Variants in CPD observed in about 807,000 individuals in gnomAD.
CPD encodes metallocarboxypeptidase D.
In CPD, 69 loss-of-function variants were observed where a neutral mutation model predicts 138.3. The ratio of observed to expected loss-of-function variants is 0.50; its 90% CI spans 0.41 to 0.61. The LOEUF is 0.61. CPD is among the 20% of genes least tolerant of loss of function. The probability of loss-of-function intolerance (pLI) is 0.00; values close to 1 mark genes in which losing one functional copy is unlikely to be tolerated. For synonymous variants in CPD, 651 were observed against 642.1 expected (o/e 1.01, Z -0.21); for missense variants, 1,432 against 1,733.3 (o/e 0.83, Z 3.09).
Position 30,465,300 on chromosome 17 carries a change from GTTTTTC to G in CPD, c.*489_*494del. 1 of 157,696 alleles carries G rather than the reference GTTTTTC, an allele frequency of 6.3e-6. No homozygotes were observed. Among genetic ancestry groups the G allele is most frequent in the East Asian group, 1.9e-4 (1 of 5,322 alleles). The allele number at this position is 157,696 out of a possible 1,614,324, so 9.8% of individuals were successfully genotyped here. On this transcript the variant is annotated 3_prime_UTR_variant, in exon 21 of 21. Transcript: ENST00000225719. ...TTTCTCTAGTTGTTAAATAGCTGGA[GTTTTTC>G]TTATTCAGGTTTAATGGAGGTTGAA...
intron 2 of CPD, among the ~76,000 whole-genome samples, chr17:30,392,910 A>T (rs1222821843): frequency 2.0e-5 from 3 of 152,208 alleles, no homozygotes; most frequent in African/African-American, 7.2e-5. Context: ...TGTCAGGCCT[A>T]TGTATTGCTC....
chr17:30,414,524 A>C (rs547628812), intron 2 of CPD, among the ~76,000 whole-genome samples: 1 of 152,050 alleles, frequency 6.6e-6, no homozygotes, highest in Non-Finnish European at 1.5e-5. Flanking sequence ...CAGAGCTTGC[A>C]GTGAGCTGAG....
At chr17:30,429,629 A>G (rs926021955) in intron 7 of CPD, among the ~76,000 whole-genome samples, 15 of 152,226 alleles carry the variant, frequency 9.9e-5, no homozygotes, top group Non-Finnish European at 2.1e-4. Flanking sequence ...TATGTGGCAC[A>G]GGCAACAGGC....
rs764785518 is a variant in CPD, at chr17:30,422,925, A to G, written c.1559A>G (p.Tyr520Cys). ...TTCTTGAGAAGGTTTGCCAATGAAT[A>G]TCCTAACATTACCCGGCTTTATTCC... ...EIFLRRFANE[Y>C]PNITRLYSLG... The change falls in exon 5 of 21, where the codon TAT becomes TGT. Residue 520 changes from tyrosine (Y) to cysteine (C), a missense_variant. Around this residue, in one of 6 missense-constraint regions of CPD, gnomAD observed 297 missense variants for 405.3 expected, o/e 0.73. Transcript: ENST00000225719. 1.9e-6 allele frequency: 3 copies of G among 1,614,104 alleles called. No homozygotes were observed. Among genetic ancestry groups the G allele is most frequent in the East Asian group, 2.2e-5 (1 of 44,876 alleles).
intron 2 of CPD, among the ~76,000 whole-genome samples, chr17:30,417,138 A>G (rs933819031): frequency 2.6e-5 from 4 of 151,756 alleles, no homozygotes; most frequent in African/African-American, 7.3e-5. Context: ...ACTTCTCACT[A>G]TCTGATATTT....
In CPD at chr17:30,461,901, G is replaced by T. The variant is rs1054089965; in HGVS notation, c.3655G>T (p.Val1219Phe). The stretch of plus-strand genomic sequence containing the variant: ...GGTTCACAAGGGAGTTCATGGATTT[G>T]TTAAAGATAAGACTGGAAAGCCAAT... ...VEVHKGVHGF[V>F]KDKTGKPISK... The change falls in exon 19 of 21, where the codon GTT becomes TTT. Residue 1219 changes from valine (V) to phenylalanine (F), a missense_variant. Physicochemically the swap from Val to Phe is conservative, Grantham distance 50 (BLOSUM62 -1). Coordinates refer to ENST00000225719, the MANE Select transcript of CPD (RefSeq NM_001304.5). 6.2e-7 allele frequency: 1 copy of T among 1,601,184 alleles called. No individual in the cohort carries two copies. The highest frequency in any genetic ancestry group is 8.5e-7 in the Non-Finnish European group (1 of 1,175,742).
chr17:30,408,208 A>T (rs1384373828), intron 2 of CPD, among the ~76,000 whole-genome samples: 1 of 152,158 alleles, frequency 6.6e-6, no homozygotes, highest in Non-Finnish European at 1.5e-5. Context: ...TGGTGACTGT[A>T]GCCTTGTAGT....
intron 2 of CPD, among the ~76,000 whole-genome samples, chr17:30,396,589 T>C (rs940290551): frequency 3.3e-5 from 5 of 152,172 alleles, no homozygotes; most frequent in African/African-American, 1.2e-4. Context: ...ACGGATTGAG[T>C]ATCTTAAAAC....
At chr17:30,402,006 T>C (rs905326094) in intron 2 of CPD, among the ~76,000 whole-genome samples, 2 of 151,222 alleles carry the variant, frequency 1.3e-5, no homozygotes, top group African/African-American at 2.4e-5. Context: ...GTGATAACAA[T>C]AGTAGGCCTT....
chr17:30,409,171 A>G (rs1014540700), intron 2 of CPD, among the ~76,000 whole-genome samples: 12 of 152,048 alleles, frequency 7.9e-5, no homozygotes, highest in African/African-American at 1.7e-4. Context: ...ATTGATTTGC[A>G]TATGTTGAAA....
rs766574228 is a variant in CPD, at chr17:30,379,508, G to A, written c.528G>A (p.Val176=). ...RLVRLLNTTD[V]YLLPSLNPDG... ...TCCGCCTGCTCAACACCACCGACGT[G>A]TACCTGCTGCCCAGCCTCAACCCCG... Residue 176 remains valine (V), a synonymous_variant, in exon 1 of 21, where the codon GTG becomes GTA. Transcript: ENST00000225719. The surrounding 1 kb of genome is among the most constrained non-coding windows in gnomAD (Gnocchi z 7.0). The A allele has an allele frequency of 3.8e-6, 6 of 1,572,732 alleles. No homozygotes were observed. The highest frequency in any genetic ancestry group is 5.2e-6 in the Non-Finnish European group (6 of 1,164,180).
Position 30,462,032 on chromosome 17 carries a change from C to T in CPD, c.3786C>T (p.Ile1262=), listed in dbSNP as rs770562409. Residue 1262 remains isoleucine, a synonymous_variant, in exon 19 of 21, where the codon ATC becomes ATT. Transcript: ENST00000225719. ...LAPGVHNIIA[I]ADGYQQQHSQ... ...CAGGTGTCCATAACATTATTGCCAT[C>T]GCTGATGGGTACCAGCAACAACATT... The T allele has an allele frequency of 1.5e-5, 24 of 1,612,832 alleles. No individual in the cohort carries two copies. The highest frequency in any genetic ancestry group is 1.6e-4 in the Middle Eastern group (1 of 6,080).
At chr17:30,401,624 C>T (rs1313318226) in intron 2 of CPD, among the ~76,000 whole-genome samples, 1 of 152,092 alleles carries the variant, frequency 6.6e-6, no homozygotes, top group Non-Finnish European at 1.5e-5. Flanking sequence ...GCCGGGACTA[C>T]AGGCACGTGT....
chr17:30,422,715 G>A lies in CPD; in HGVS notation c.1349G>A (p.Gly450Glu). Residue 450 changes from glycine (G) to glutamate (E), a missense_variant, in exon 5 of 21, where the codon GGA (glycine) becomes GAA (glutamate). Transcript: ENST00000225719. Reference sequence around the variant, plus strand: ...GTTACTAATGTAGTGGTGAAAGAAGGACCAGCCACAGAGGTGGATTTTTCT... The same window carrying A: ...GTTACTAATGTAGTGGTGAAAGAAGAACCAGCCACAGAGGTGGATTTTTCT... ...LTVTNVVVKEGPATEVDFSLR... is the reference protein window; with the variant it reads ...LTVTNVVVKEEPATEVDFSLR... The A allele has an allele frequency of 6.2e-7, 1 of 1,613,638 alleles. No homozygotes were observed. Among genetic ancestry groups the A allele is most frequent in the Non-Finnish European group, 8.5e-7 (1 of 1,179,818 alleles).
chr17:30,392,240 C>A (rs1313058317), intron 2 of CPD, among the ~76,000 whole-genome samples: 1 of 152,172 alleles, frequency 6.6e-6, no homozygotes, highest in East Asian at 1.9e-4. Flanking sequence ...TAACTCCTGA[C>A]CTCAGGTGAT....
chr17:30,379,340 C>T lies in CPD; in HGVS notation c.360C>T (p.Asp120=). ...CGGGGCCTGACGCTGCCGGGCCCGA[C>T]GCTGCGGGGCCGCTGCTGCCCGGCC... The part of the protein sequence containing the change: ...GDAGPDAAGP[D]AAGPLLPGRP... The change falls in exon 1 of 21, where the codon GAC becomes GAT. Residue 120 remains aspartate (D), a synonymous_variant. Coordinates refer to ENST00000225719, the MANE Select transcript of CPD (RefSeq NM_001304.5). This position sits in a 1 kb window ranked among gnomAD's most constrained non-coding sequence, Gnocchi z 7.0. 1.3e-6 allele frequency: 2 copies of T among 1,489,158 alleles called. No homozygotes were observed. The highest frequency in any genetic ancestry group is 2.3e-5 in the Admixed American group (1 of 43,616). 92.2% of individuals were successfully genotyped at this position (1,489,158 alleles called of 1,614,324 possible).
rs372239193 is a variant in CPD, at chr17:30,384,177, A to G, written c.747-812A>G. 4.9e-4 allele frequency among the ~76,000 whole-genome samples: 75 copies of G among 152,206 alleles called. 1 individual carries two copies. The highest frequency in any genetic ancestry group is 1.6e-3 in the African/African-American group (67 of 41,538). On this transcript the variant is annotated intron_variant, in intron 1 of 20. Transcript: ENST00000225719. ...GGAGGACTAGTCTTTGACATGGTGT[A>G]TTGTTTTTCTCTGTAAGCAGCTCAC...
At chr17:30,413,545 A>G (rs1039255274) in intron 2 of CPD, among the ~76,000 whole-genome samples, 3 of 152,222 alleles carry the variant, frequency 2.0e-5, no homozygotes, top group African/African-American at 7.2e-5. Flanking sequence ...AAGAACAAAC[A>G]TCTTAATTTC....
intron 8 of CPD, among the ~76,000 whole-genome samples, chr17:30,436,839 A>G (rs183146090): frequency 8.5e-5 from 13 of 152,362 alleles, no homozygotes; most frequent in Non-Finnish European, 1.8e-4. Context: ...AGCATTATTC[A>G]TAATAGCCCC....
Sources: allele counts gnomAD v4.1 joint callset (sites outside exome capture counted in the v4.1 genomes callset), GRCh38; gene constraint gnomAD v4.1.1; regional missense constraint gnomAD v4.1.1; non-coding constraint Gnocchi (gnomAD v3.1); transcripts MANE v1.5; gene names NCBI Gene and HGNC (gene_info 2026-07-23, HGNC 2026-07-21).